Variants in BNC2 observed in about 807,000 individuals in gnomAD.
The protein encoded by BNC2 is basonuclin zinc finger protein 2.
BNC2 carries 20 observed loss-of-function variants against 76.3 expected under a neutral mutation model. The observed-to-expected ratio is 0.26, with a 90% CI of 0.18 to 0.38. The LOEUF (loss-of-function observed/expected upper bound fraction) is 0.38. BNC2 is among the 10% of genes least tolerant of loss of function. The pLI, the probability that BNC2 is intolerant of heterozygous loss-of-function variation, is 1.00. For missense variants in BNC2, 1,382 were observed against 1,399.8 expected (o/e 0.99, Z 0.20); for synonymous variants, 582 against 514.8 (o/e 1.13, Z -1.77).
At chr9:16,837,218 A>C (rs115024154) in intron 1 of BNC2, among the ~76,000 whole-genome samples, 2,349 of 152,334 alleles carry the variant, frequency 0.015, 62 homozygotes, top group African/African-American at 0.053. Flanking sequence ...AGAAAACCAT[A>C]ATTCTGGCCA....
At chr9:16,690,154 G>A (rs921065004) in intron 3 of BNC2, among the ~76,000 whole-genome samples, 6 of 152,122 alleles carry the variant, frequency 3.9e-5, no homozygotes, top group East Asian at 1.9e-4. Context: ...ACCTAAGGGC[G>A]AAGAAGGAAC....
At chr9:16,862,303 A>C (rs1222672616) in intron 1 of BNC2, among the ~76,000 whole-genome samples, 1 of 152,208 alleles carries the variant, frequency 6.6e-6, no homozygotes, top group African/African-American at 2.4e-5. Context: ...TACATCCATA[A>C]AATGGAATAT....
intron 1 of BNC2, among the ~76,000 whole-genome samples, chr9:16,824,010 T>C (rs1473433824): frequency 1.3e-5 from 2 of 152,218 alleles, no homozygotes; most frequent in African/African-American, 4.8e-5. Flanking sequence ...GCTCTTTGCA[T>C]AGATTACACA....
chr9:16,575,888 G>GT (rs1819470870), intron 4 of BNC2, among the ~76,000 whole-genome samples: 1 of 152,222 alleles, frequency 6.6e-6, no homozygotes, highest in Non-Finnish European at 1.5e-5. Flanking sequence ...GCAAAGCCGG[G>GT]TTTCAGCATT....
intron 4 of BNC2, among the ~76,000 whole-genome samples, chr9:16,564,577 A>G (rs1819116404): frequency 6.6e-6 from 1 of 152,132 alleles, no homozygotes; most frequent in Non-Finnish European, 1.5e-5. Context: ...GATGATCCCT[A>G]ACCTTTAAAT....
chr9:16,441,540 A>AT lies in BNC2; in HGVS notation c.670-4017dup, dbSNP rs541500988. Among the ~76,000 whole-genome samples the AT allele has an allele frequency of 9.7e-4, 148 of 152,330 alleles. 1 individual carries two copies. The East Asian group carries it at 0.022, about 23-fold the overall frequency. On this transcript the variant is annotated intron_variant, in intron 5 of 6. Coordinates refer to ENST00000380672, the MANE Select transcript of BNC2 (RefSeq NM_017637.6). The stretch of plus-strand genomic sequence containing the variant: ...TTTTCTGAAGATCTTTGTGATAGAA[A>AT]TAAGTATGGTTTGGTGCTTTGATTC...
At chr9:16,592,432 T>A (rs776507723) in intron 3 of BNC2, among the ~76,000 whole-genome samples, 4 of 152,076 alleles carry the variant, frequency 2.6e-5, no homozygotes, top group Non-Finnish European at 5.9e-5. Flanking sequence ...CAGGAGCCAG[T>A]CATAAAAGAC....
At chr9:16,685,144 C>A (rs1822936911) in intron 3 of BNC2, among the ~76,000 whole-genome samples, 2 of 152,142 alleles carry the variant, frequency 1.3e-5, no homozygotes, top group African/African-American at 2.4e-5. Context: ...TGTGCCAGGT[C>A]CTGCACTAAC....
At chr9:16,728,711 C>G (rs1390055441) in intron 2 of BNC2, among the ~76,000 whole-genome samples, 1 of 151,562 alleles carries the variant, frequency 6.6e-6, no homozygotes, top group Non-Finnish European at 1.5e-5. Context: ...ACCTTATACT[C>G]TAAAGAGTAA....
intron 1 of BNC2, among the ~76,000 whole-genome samples, chr9:16,803,853 G>A (rs1234507455): frequency 6.6e-6 from 1 of 152,220 alleles, no homozygotes; most frequent in East Asian, 1.9e-4. Flanking sequence ...TCTAAGGAGT[G>A]CGATCTTGCA....
chr9:16,409,978 G>A lies in BNC2; in HGVS notation c.*9011C>T, dbSNP rs1347934536. 6.6e-6 allele frequency: 1 copy of A among 152,212 alleles called. No homozygotes were observed. The highest frequency in any genetic ancestry group is 2.4e-5 in the African/African-American group (1 of 41,396). The allele number at this position is 152,212 out of a possible 1,614,324, so 9.4% of individuals were successfully genotyped here. On this transcript the variant is annotated 3_prime_UTR_variant, in exon 7 of 7. Coordinates refer to ENST00000380672, the MANE Select transcript of BNC2 (RefSeq NM_017637.6). ...TGGGAGAGGGAGAGGACATATCTTA[G>A]TGAAAATTCCTTTTCTTCAAGATAT...
intron 3 of BNC2, among the ~76,000 whole-genome samples, chr9:16,660,442 G>A (rs1364773576): frequency 1.8e-4 from 26 of 144,610 alleles, no homozygotes; most frequent in East Asian, 9.9e-4. Context: ...CCATAAGAGC[G>A]AAAGTCCATC....
At chr9:16,796,928 T>C (rs909556253) in intron 1 of BNC2, among the ~76,000 whole-genome samples, 1 of 152,182 alleles carries the variant, frequency 6.6e-6, no homozygotes, top group African/African-American at 2.4e-5. Context: ...GTTGAACACT[T>C]GCTTCAGTCT....
In BNC2 at chr9:16,646,897, C is replaced by T. The variant is rs146538786; in HGVS notation, c.331-63812G>A. ...ACTGGGATGTCATCCATAGCTGAGT[C>T]CCCCGCATAAGTTACATAAGGTTCC... On this transcript the variant is annotated intron_variant, in intron 3 of 6. Transcript: ENST00000380672. Among the ~76,000 whole-genome samples, 37 of 152,216 alleles carry T rather than the reference C, an allele frequency of 2.4e-4. No homozygotes were observed. The East Asian group carries it at 5.4e-3, about 22-fold the overall frequency.
intron 3 of BNC2, among the ~76,000 whole-genome samples, chr9:16,668,867 G>A (rs1822384453): frequency 6.6e-6 from 1 of 152,134 alleles, no homozygotes; most frequent in South Asian, 2.1e-4. Flanking sequence ...ATAATTCAGA[G>A]CACGTCTCTC....
At chr9:16,539,231 G>T (rs529246914) in intron 5 of BNC2, among the ~76,000 whole-genome samples, 1 of 152,062 alleles carries the variant, frequency 6.6e-6, no homozygotes, top group Non-Finnish European at 1.5e-5. Context: ...AAATAAATAC[G>T]ACTGGGCGTG....
intron 5 of BNC2, among the ~76,000 whole-genome samples, chr9:16,449,555 T>A: frequency 6.6e-6 from 1 of 152,274 alleles, no homozygotes; most frequent in Middle Eastern, 3.4e-3. Flanking sequence ...TCACCGTAAA[T>A]GAATCTTGTA....
In BNC2 at chr9:16,436,407, G is replaced by C; in HGVS notation, c.1787C>G (p.Pro596Arg). Residue 596 changes from proline to arginine, a missense_variant, in exon 6 of 7, where the codon CCA becomes CGA. Pro to Arg is a moderately radical substitution (Grantham distance 103). Around this residue, in one of 3 missense-constraint regions of BNC2, gnomAD observed 798 missense variants for 775.5 expected, o/e 1.03. Coordinates refer to ENST00000380672, the MANE Select transcript of BNC2 (RefSeq NM_017637.6). ...GTGCTGCTCTATGGTACCACTGGTT[G>C]GAATGATGGGACTGGTTGGGAGGGA... ...PTSLPTSPIIPTSGTIEQHPP... is the reference protein window; with the variant it reads ...PTSLPTSPIIRTSGTIEQHPP... The C allele has an allele frequency of 6.2e-7, 1 of 1,614,114 alleles. No homozygotes were observed. Among genetic ancestry groups the C allele is most frequent in the Non-Finnish European group, 8.5e-7 (1 of 1,180,024 alleles).
intron 5 of BNC2, among the ~76,000 whole-genome samples, chr9:16,517,721 ATTCAT>A: frequency 6.6e-6 from 1 of 152,320 alleles, no homozygotes; most frequent in South Asian, 2.1e-4. Flanking sequence ...AAATCATATC[ATTCAT>A]TTCATTTTTG....
Sources: allele counts gnomAD v4.1 joint callset (sites outside exome capture counted in the v4.1 genomes callset), GRCh38; gene constraint gnomAD v4.1.1; regional missense constraint gnomAD v4.1.1; transcripts MANE v1.5; gene names NCBI Gene and HGNC (gene_info 2026-07-23, HGNC 2026-07-21).